The following ZNF564 variants were observed in gnomAD, a reference collection of about 807,000 sequenced individuals.
ZNF564 encodes zinc finger protein 564.
ZNF564 carries 5 observed loss-of-function variants against 10.5 expected under a neutral mutation model. The ratio of observed to expected loss-of-function variants is 0.48; its 90% CI spans 0.25 to 1.00. The LOEUF (loss-of-function observed/expected upper bound fraction) is 1.00, where lower values mean the gene tolerates loss of function less well. Among genes scored for constraint, ZNF564 ranks in the 50% least tolerant of loss-of-function variants. The pLI is 0.16. For synonymous variants in ZNF564, 242 were observed against 218.1 expected (o/e 1.11, Z -0.97); for missense variants, 603 against 669.7 (o/e 0.90, Z 1.10).
intron 1 of ZNF564, among the ~76,000 whole-genome samples, chr19:12,539,128 G>T (rs1005672868): frequency 6.6e-6 from 1 of 151,280 alleles, no homozygotes; most frequent in South Asian, 2.1e-4. Flanking sequence ...CAGCTACTCC[G>T]GAGGCTGAGG....
At chr19:12,538,606 C>T (rs140878555) in intron 1 of ZNF564, among the ~76,000 whole-genome samples, 2,326 of 151,724 alleles carry the variant, frequency 0.015, 61 homozygotes, top group African/African-American at 0.054. Context: ...GCCTGGGCAA[C>T]ACAGCAAGAC....
Position 12,527,616 on chromosome 19 carries a change from AGT to A in ZNF564, c.490_491del (p.Thr164TrpfsTer2). ...CCGGACATGCATAGGGTTTCTCACC[AGT>A]GTGAGTTCTTTCATGTCTTCGAAAG... is the stretch of plus-strand genomic sequence containing the variant. ...QSFRRHERTH[T>X]GEKPYACPEC... is the part of the protein sequence containing the mutation. On this transcript the variant is annotated frameshift_variant, in exon 4 of 4. Transcript: ENST00000339282. LOFTEE classifies it low-confidence loss of function (END_TRUNC). The A allele has an allele frequency of 1.9e-6, 3 of 1,614,204 alleles. No individual in the cohort carries two copies. In the East Asian group the frequency reaches 6.7e-5, roughly 36 times the overall value.
intron 1 of ZNF564, chr19:12,548,804 T>A: frequency 1.4e-6 from 1 of 702,874 alleles, no homozygotes; most frequent in Non-Finnish European, 2.6e-6. Flanking sequence ...TTAGCATTAA[T>A]CACCAAAGTC....
Position 12,528,625 on chromosome 19 carries a change from C to A in ZNF564, c.75G>T (p.Gln25His). The A allele has an allele frequency of 6.2e-7, 1 of 1,614,044 alleles. No homozygotes were observed. Among genetic ancestry groups the A allele is most frequent in the Non-Finnish European group, 8.5e-7 (1 of 1,180,000 alleles). ...LEEWALLDPS[Q>H]KKLYRDVMRE... ...GCATCACATCTCTGTAGAGTTTCTT[C>A]TGGGAAGGATCCAGCAAAGCCCACT... The change falls in exon 2 of 4, where the codon CAG becomes CAT. Residue 25 changes from glutamine (Q) to histidine (H), a missense_variant. By Grantham distance (24) the Gln-to-His change is conservative (BLOSUM62 0). Transcript: ENST00000339282.
intron 1 of ZNF564, among the ~76,000 whole-genome samples, chr19:12,542,401 G>A (rs2022073647): frequency 1.3e-5 from 2 of 151,810 alleles, no homozygotes; most frequent in Admixed American, 6.6e-5. Flanking sequence ...GCCAAGGTAG[G>A]AGGATCACTT....
chr19:12,541,081 A>AG (rs1198630681), intron 1 of ZNF564, among the ~76,000 whole-genome samples: 3 of 150,374 alleles, frequency 2.0e-5, no homozygotes, highest in Non-Finnish European at 4.4e-5. Context: ...AAAAAAAAAA[A>AG]AAAAAAAGAA....
rs1053072636 is a variant in ZNF564, at chr19:12,539,842, G to A, written c.4-11146C>T. Among the ~76,000 whole-genome samples, 13 of 149,896 alleles carry A rather than the reference G, an allele frequency of 8.7e-5. No homozygotes were observed. The East Asian group carries it at 1.2e-3, about 14-fold the overall frequency. On this transcript the variant is annotated intron_variant, in intron 1 of 3. Transcript: ENST00000339282. Reference sequence around the variant, plus strand: ...TACAAAAAAGAAAAATTAGCCAGGTGTGGTGGTGGGCGCCTGTAGTCCCAG... The same window carrying A: ...TACAAAAAAGAAAAATTAGCCAGGTATGGTGGTGGGCGCCTGTAGTCCCAG...
At chr19:12,528,478 C>T in intron 2 of ZNF564, 92 bp downstream of exon 2, 1 of 1,584,464 alleles carries the variant, frequency 6.3e-7, no homozygotes, top group Non-Finnish European at 8.6e-7. Context: ...CCAAGTATTC[C>T]CTTTTCCACA....
chr19:12,544,244 T>A (rs778509872), intron 1 of ZNF564, among the ~76,000 whole-genome samples: 1 of 152,070 alleles, frequency 6.6e-6, no homozygotes, highest in African/African-American at 2.4e-5. Context: ...AACCAGGGCA[T>A]CTATGTAGGG....
rs149166160 is a variant in ZNF564 at position 12,546,381 on chromosome 19, C to T, written c.3+4949G>A. 3.3e-3 allele frequency among the ~76,000 whole-genome samples: 498 copies of T among 152,198 alleles called. 3 individuals are homozygous for T. The highest frequency in any genetic ancestry group is 5.5e-3 in the African/African-American group (227 of 41,532). On this transcript the variant is annotated intron_variant, in intron 1 of 3. Transcript: ENST00000339282. ...GGTGTTCCAGAGAAGCAGCATACTG[C>T]GGGGGAAAAAACCCTATTACTAATT...
In ZNF564 at chr19:12,525,412, T is replaced by C. The variant is rs1274277932; in HGVS notation, c.*1034A>G. ...ATTTTAATCTGGGGATCTGCCATAC[T>C]GTTTTCAGCAGGCTTATACCACTGT... On this transcript the variant is annotated 3_prime_UTR_variant, in exon 4 of 4. Coordinates refer to ENST00000339282, the MANE Select transcript of ZNF564 (RefSeq NM_144976.4). 3 of 152,236 alleles carry C rather than the reference T, an allele frequency of 2.0e-5. No individual in the cohort carries two copies. Among genetic ancestry groups the C allele is most frequent in the Admixed American group, 6.5e-5 (1 of 15,280 alleles). 9.4% of individuals were successfully genotyped at this position (152,236 alleles called of 1,614,324 possible). A position where few individuals can be genotyped will look rare whatever the true frequency, so the allele number is the denominator to read the frequency against.
chr19:12,550,628 C>T, intron 1 of ZNF564: 1 of 160,634 alleles, frequency 6.2e-6, no homozygotes, highest in South Asian at 1.2e-4. Context: ...TGCACTCCAG[C>T]CTGGGCGACA....
intron 1 of ZNF564, among the ~76,000 whole-genome samples, chr19:12,539,681 A>G (rs1309632038): frequency 1.4e-5 from 2 of 145,166 alleles, no homozygotes; most frequent in Admixed American, 7.0e-5. Context: ...AAGACAAAAA[A>G]GAAAAAGAAA....
intron 1 of ZNF564, among the ~76,000 whole-genome samples, chr19:12,540,228 G>A (rs1048149155): frequency 2.6e-4 from 40 of 152,228 alleles, no homozygotes; most frequent in African/African-American, 9.4e-4. Flanking sequence ...GGCATGTGGT[G>A]AGAAGTCTTC....
intron 1 of ZNF564, chr19:12,530,381 A>G (rs2145067699): frequency 6.6e-6 from 1 of 152,432 alleles, no homozygotes; most frequent in South Asian, 2.1e-4. Context: ...CAACTTAGGC[A>G]GCGCCCCCTC....
intron 1 of ZNF564, among the ~76,000 whole-genome samples, chr19:12,547,972 C>T (rs917544417): frequency 3.3e-5 from 5 of 151,912 alleles, no homozygotes; most frequent in Middle Eastern, 3.4e-3. Context: ...CCACCATGCC[C>T]GGCTAATTTT....
At chr19:12,541,085 A>G (rs1334134330) in intron 1 of ZNF564, among the ~76,000 whole-genome samples, 2 of 148,356 alleles carry the variant, frequency 1.3e-5, no homozygotes, top group East Asian at 1.9e-4. Flanking sequence ...AAAAAAAAAA[A>G]AAAGAAACAC....
chr19:12,531,231 C>T (rs372858246), intron 1 of ZNF564, among the ~76,000 whole-genome samples: 2 of 152,038 alleles, frequency 1.3e-5, no homozygotes, highest in Admixed American at 6.6e-5. Context: ...ATGATAGCTT[C>T]CCTAACCTTT....
At chr19:12,528,736 G>A (rs1230673363) in intron 1 of ZNF564, 40 bp from the exon 2 acceptor site, 1 of 1,592,620 alleles carries the variant, frequency 6.3e-7, no homozygotes, top group Admixed American at 1.9e-5. Context: ...GGAAGAATGA[G>A]ATGACAGTAC....
Sources: gnomAD v4.1 joint callset for allele counts (sites outside exome capture counted in the v4.1 genomes callset) on GRCh38, gnomAD v4.1.1 for gene constraint, MANE v1.5 for transcripts, NCBI Gene and HGNC (gene_info 2026-07-23, HGNC 2026-07-21) for gene names.